Variants in PDZD2 observed in about 807,000 individuals in gnomAD.
PDZD2 encodes PDZ domain containing 2, also known as PDZ domain-containing protein 2.
A neutral mutation model predicts 220.7 loss-of-function variants in PDZD2; 90 were observed. The ratio of observed to expected loss-of-function variants is 0.41; its 90% confidence interval spans 0.34 to 0.49. The LOEUF (loss-of-function observed/expected upper bound fraction) is 0.49. Among genes scored for constraint, PDZD2 ranks in the 20% least tolerant of loss-of-function variants. The pLI, the probability that PDZD2 is intolerant of heterozygous loss-of-function variation, is 0.28. For missense variants in PDZD2, 3,174 were observed against 3,608.5 expected (o/e 0.88, Z 3.08); for synonymous variants, 1,375 against 1,450.5 (o/e 0.95, Z 1.18).
At chr5:32,069,027 G>A (rs887357865) in intron 14 of PDZD2, among the ~76,000 whole-genome samples, 2 of 152,110 alleles carry the variant, frequency 1.3e-5, no homozygotes, top group African/African-American at 4.8e-5. Context: ...CAGCACTTTG[G>A]GGGGCCGAGG....
chr5:32,042,711 T>A lies in PDZD2; in HGVS notation c.1519+5369T>A, dbSNP rs142776401. On this transcript the variant is annotated intron_variant, in intron 7 of 24. Transcript: ENST00000438447. ...GAAAGGAGTGGTGATGACCAGAGGC[T>A]GAAAAGGAGAAGTCTGAAGGGAGCC... Among the ~76,000 whole-genome samples, 626 of 152,238 alleles carry A rather than the reference T, an allele frequency of 4.1e-3. 8 individuals carry two copies. Among genetic ancestry groups the A allele is most frequent in the Middle Eastern group, 6.8e-3 (2 of 294 alleles).
intron 6 of PDZD2, among the ~76,000 whole-genome samples, chr5:32,015,454 G>A (rs1027903932): frequency 2.0e-5 from 3 of 151,994 alleles, no homozygotes; most frequent in African/African-American, 4.8e-5. Context: ...GCGTCACTAT[G>A]TTGCCCAGCC....
At chr5:32,037,824 T>C (rs1185333096) in intron 7 of PDZD2, among the ~76,000 whole-genome samples, 1 of 148,870 alleles carries the variant, frequency 6.7e-6, no homozygotes, top group African/African-American at 2.5e-5. Flanking sequence ...CTTAGAACTT[T>C]TGTGTATCAT....
Position 32,059,255 on chromosome 5 carries a change from A to G in PDZD2, c.2217A>G (p.Leu739=). ...CTCTCACAGAGCCAAGAGTTGGATT[A>G]GGCATTGGTGCCTGCTGCTTGGCTC... ...VTLNKEPRVG[L]GIGACCLALE... The change falls in exon 13 of 25, where the codon TTA becomes TTG. Residue 739 remains leucine (L), a synonymous_variant. Transcript: ENST00000438447. The G allele has an allele frequency of 6.2e-7, 1 of 1,605,450 alleles. No homozygotes were observed. The highest frequency in any genetic ancestry group is 1.3e-5 in the African/African-American group (1 of 74,878).
chr5:31,870,527 A>G (rs1268509933), intron 2 of PDZD2, among the ~76,000 whole-genome samples: 1 of 152,202 alleles, frequency 6.6e-6, no homozygotes, highest in Non-Finnish European at 1.5e-5. Context: ...ATCCCAGAGC[A>G]TCTGACCTCA....
chr5:31,898,375 G>A lies in PDZD2; in HGVS notation c.477-84780G>A, dbSNP rs11747917. Among the ~76,000 whole-genome samples, 1,400 of 152,326 alleles carry A rather than the reference G, an allele frequency of 9.2e-3. 16 individuals carry two copies. Among genetic ancestry groups the A allele is most frequent in the Non-Finnish European group, 0.012 (806 of 68,044 alleles). ...GCTCCTCCAGCCAGTTGCCAGGGAC[G>A]GACAAAGGACAAGAGATGGCTTAAA... is the stretch of plus-strand genomic sequence containing the variant. On this transcript the variant is annotated intron_variant, in intron 2 of 24. Coordinates refer to ENST00000438447, the MANE Select transcript of PDZD2 (RefSeq NM_178140.4).
intron 2 of PDZD2, among the ~76,000 whole-genome samples, chr5:31,920,506 TAA>T (rs869254209): frequency 5.0e-5 from 2 of 39,880 alleles, no homozygotes. Context: ...GTTATATATT[TAA>T]AAAAAAAAAA....
chr5:31,858,896 T>C (rs966049530), intron 2 of PDZD2, among the ~76,000 whole-genome samples: 2 of 152,126 alleles, frequency 1.3e-5, no homozygotes, highest in Admixed American at 6.5e-5. Context: ...TTTTTGTATC[T>C]TTAGTAGAGT....
At chr5:31,833,922 T>C (rs1756788457) in intron 2 of PDZD2, among the ~76,000 whole-genome samples, 1 of 152,192 alleles carries the variant, frequency 6.6e-6, no homozygotes, top group Non-Finnish European at 1.5e-5. Context: ...TGCTGGGCAG[T>C]GCAGGGTGGT....
intron 21 of PDZD2, among the ~76,000 whole-genome samples, chr5:32,094,575 TC>T (rs903945467): frequency 6.6e-6 from 1 of 151,840 alleles, no homozygotes; most frequent in Admixed American, 6.6e-5. Flanking sequence ...CAGGTTCCAC[TC>T]CCTTCTGATT....
rs951678936 is a variant in PDZD2 at position 31,909,976 on chromosome 5, A to G, written c.477-73179A>G. Among the ~76,000 whole-genome samples the G allele has an allele frequency of 1.2e-4, 19 of 152,176 alleles. 1 individual carries two copies. The highest frequency in any genetic ancestry group is 4.6e-4 in the African/African-American group (19 of 41,446). On this transcript the variant is annotated intron_variant, in intron 2 of 24. Coordinates refer to ENST00000438447, the MANE Select transcript of PDZD2 (RefSeq NM_178140.4). ...CTCCATACCTTCATCCCTTCATCCT[A>G]TAATTGAAAATAGCTTACGTTTATG...
intron 2 of PDZD2, among the ~76,000 whole-genome samples, chr5:31,823,599 A>G (rs1034215687): frequency 1.3e-5 from 2 of 152,146 alleles, no homozygotes; most frequent in African/African-American, 4.8e-5. Flanking sequence ...GAGAAGTGCA[A>G]CCTCTAGGAA....
chr5:31,647,182 C>G (rs1745165350), intron 1 of PDZD2, among the ~76,000 whole-genome samples: 1 of 152,138 alleles, frequency 6.6e-6, no homozygotes, highest in Admixed American at 6.5e-5. Context: ...ACTGCCTCTT[C>G]CCCTGTACTC....
At chr5:31,783,497 C>T (rs146550746) in intron 1 of PDZD2, among the ~76,000 whole-genome samples, 190 of 152,326 alleles carry the variant, frequency 1.2e-3, no homozygotes, top group African/African-American at 4.5e-3. Flanking sequence ...CGGTTATTTT[C>T]ACATAGTTTC....
At chr5:31,695,130 A>T (rs1561388664) in intron 1 of PDZD2, among the ~76,000 whole-genome samples, 1 of 143,836 alleles carries the variant, frequency 7.0e-6, no homozygotes, top group Admixed American at 7.0e-5. Flanking sequence ...TCTCCAAATT[A>T]AAAAAAAAAA....
chr5:31,911,787 C>T (rs1743228914), intron 2 of PDZD2, among the ~76,000 whole-genome samples: 1 of 152,176 alleles, frequency 6.6e-6, no homozygotes, highest in South Asian at 2.1e-4. Context: ...TCCCCAGGAG[C>T]TGAGGGGATG....
chr5:31,673,638 G>A lies in PDZD2; in HGVS notation c.-361+34201G>A, dbSNP rs547505372. 7.0e-4 allele frequency among the ~76,000 whole-genome samples: 106 copies of A among 152,268 alleles called. No homozygotes were observed. In the South Asian group the frequency reaches 0.02, roughly 29 times the overall value. Reference sequence around the variant, plus strand: ...GGACTCTGGGAGGTAATTAGGTCTCGAAGATAGAGCCCTCACAATGGGATT... The same window carrying A: ...GGACTCTGGGAGGTAATTAGGTCTCAAAGATAGAGCCCTCACAATGGGATT... On this transcript the variant is annotated intron_variant, in intron 1 of 24. Transcript: ENST00000438447.
chr5:31,962,094 G>A (rs1042158271), intron 2 of PDZD2, among the ~76,000 whole-genome samples: 19 of 152,172 alleles, frequency 1.2e-4, no homozygotes, highest in East Asian at 5.8e-4. Flanking sequence ...TTTAGACTTA[G>A]CCACACATTT....
chr5:31,717,337 C>T (rs1025835841), intron 1 of PDZD2, among the ~76,000 whole-genome samples: 1 of 152,160 alleles, frequency 6.6e-6, no homozygotes, highest in Non-Finnish European at 1.5e-5. Flanking sequence ...ATCGCTGTCT[C>T]TGCCCTCAAG....
Sources: allele counts gnomAD v4.1 joint callset (sites outside exome capture counted in the v4.1 genomes callset), GRCh38; gene constraint gnomAD v4.1.1; transcripts MANE v1.5; gene names NCBI Gene and HGNC (gene_info 2026-07-23, HGNC 2026-07-21).